EHBP1: variants seen among roughly 807,000 people sequenced by gnomAD.
EHBP1 encodes the protein EH domain binding protein 1, also known as EH domain-binding protein 1.
EHBP1 carries 55 observed loss-of-function variants against 144.0 expected under a neutral mutation model. That is an observed-to-expected ratio of 0.38 (90% CI 0.31 to 0.48). The LOEUF is 0.48. Ranked by LOEUF, EHBP1 falls within the 20% of genes least tolerant of loss-of-function variation. EHBP1 has a pLI of 0.98. For missense variants in EHBP1, 1,200 were observed against 1,364.2 expected (o/e 0.88, Z 1.90); for synonymous variants, 469 against 472.7 (o/e 0.99, Z 0.10).
At position 63,038,758 on chromosome 2, in the gene EHBP1, T is replaced by C. The variant is rs2061544199; in HGVS notation, c.3219T>C (p.Asp1073=). ...ACTTGCCCAGGGAAAAAGAACATGA[T>C]TTAGAACGACGGTATGAGCTGCTGA... is the stretch of plus-strand genomic sequence containing the variant. ...NQLSLLEKEH[D]LERRYELLNR... The change falls in exon 21 of 23, where the codon GAT becomes GAC. Residue 1073 remains aspartate (D), a synonymous_variant. Transcript: ENST00000431489. 1 of 1,613,434 alleles carries C rather than the reference T, an allele frequency of 6.2e-7. No homozygotes were observed. Among genetic ancestry groups the C allele is most frequent in the African/African-American group, 1.3e-5 (1 of 74,996 alleles).
intron 10 of EHBP1, among the ~76,000 whole-genome samples, chr2:62,935,344 A>AAAATATAT (rs1553479000): frequency 3.0e-4 from 37 of 121,470 alleles, no homozygotes; most frequent in Non-Finnish European, 5.2e-4. Flanking sequence ...AAAAAAAAAA[A>AAAATATAT]ATATATATAT....
chr2:62,791,943 GCAGCAATACTTGTTCTCTT>G (rs1251764671), intron 5 of EHBP1, among the ~76,000 whole-genome samples: 1 of 151,934 alleles, frequency 6.6e-6, no homozygotes, highest in East Asian at 1.9e-4. Flanking sequence ...ATAACACTCA[GCAGCAATACTTGTTCTCTT>G]CATATCGCTA....
At chr2:62,802,364 A>G (rs1343313392) in intron 5 of EHBP1, among the ~76,000 whole-genome samples, 5 of 152,138 alleles carry the variant, frequency 3.3e-5, no homozygotes, top group Non-Finnish European at 7.3e-5. Context: ...ACACTCTATG[A>G]TGCATAGGAA....
At chr2:62,930,594 A>T (rs887226071) in intron 10 of EHBP1, among the ~76,000 whole-genome samples, 1 of 152,186 alleles carries the variant, frequency 6.6e-6, no homozygotes, top group African/African-American at 2.4e-5. Context: ...AAAGAACAAG[A>T]GTGGAAGACT....
At chr2:62,891,375 A>T (rs1176413194) in intron 10 of EHBP1, among the ~76,000 whole-genome samples, 1 of 152,024 alleles carries the variant, frequency 6.6e-6, no homozygotes, top group Non-Finnish European at 1.5e-5. Context: ...TTTGTTTGGC[A>T]CTGTTTTTTG....
At chr2:62,831,582 A>G (rs1397020800) in intron 7 of EHBP1, among the ~76,000 whole-genome samples, 2 of 152,194 alleles carry the variant, frequency 1.3e-5, no homozygotes, top group African/African-American at 4.8e-5. Context: ...TTGAATTTAT[A>G]TATCTTATGT....
intron 10 of EHBP1, among the ~76,000 whole-genome samples, chr2:62,926,584 C>T (rs1315769052): frequency 6.6e-6 from 1 of 151,876 alleles, no homozygotes. Context: ...TTTACATGTC[C>T]AACATTACTA....
At chr2:62,985,357 TA>T (rs2059140327) in intron 15 of EHBP1, among the ~76,000 whole-genome samples, 1 of 152,214 alleles carries the variant, frequency 6.6e-6, no homozygotes. Context: ...GACGCTGCTC[TA>T]ACTTATAAAA....
chr2:62,948,573 A>G lies in EHBP1; in HGVS notation c.1727A>G (p.Asp576Gly). The change falls in exon 13 of 23, where the codon GAT becomes GGT. Residue 576 changes from aspartate to glycine, a missense_variant. Physicochemically the swap from Asp to Gly is moderately conservative, Grantham distance 94. Coordinates refer to ENST00000431489, the MANE Select transcript of EHBP1 (RefSeq NM_001142616.3). ...GGAGCAGTAGACTTCTTATCACAGGATGACTCTGTATTTGTAAATGATAGC... is the reference window on the plus strand; with the variant it reads ...GGAGCAGTAGACTTCTTATCACAGGGTGACTCTGTATTTGTAAATGATAGC... ...ISGAVDFLSQ[D>G]DSVFVNDSGV... 6.2e-7 allele frequency: 1 copy of G among 1,614,072 alleles called. No homozygotes were observed. The highest frequency in any genetic ancestry group is 8.5e-7 in the Non-Finnish European group (1 of 1,179,996).
At chr2:62,988,910 T>C (rs2059304847) in intron 15 of EHBP1, among the ~76,000 whole-genome samples, 2 of 152,150 alleles carry the variant, frequency 1.3e-5, no homozygotes, top group African/African-American at 4.8e-5. Context: ...AATGCTAATC[T>C]GCTCCATTTC....
intron 4 of EHBP1, among the ~76,000 whole-genome samples, chr2:62,767,575 C>T (rs1386233916): frequency 6.6e-6 from 1 of 151,854 alleles, no homozygotes; most frequent in African/African-American, 2.4e-5. Context: ...TGGCTCACTC[C>T]TGTAATCCCA....
At chr2:62,972,268 T>G (rs1417190464) in intron 14 of EHBP1, among the ~76,000 whole-genome samples, 1 of 152,188 alleles carries the variant, frequency 6.6e-6, no homozygotes, top group Non-Finnish European at 1.5e-5. Context: ...TGAACGTATT[T>G]GAGCAGTTTG....
intron 5 of EHBP1, among the ~76,000 whole-genome samples, chr2:62,772,385 G>A (rs1238046345): frequency 6.6e-6 from 1 of 152,120 alleles, no homozygotes; most frequent in Non-Finnish European, 1.5e-5. Context: ...TCATTTACTG[G>A]GAATTAAAGA....
chr2:62,779,936 T>C (rs2042312902), intron 5 of EHBP1, among the ~76,000 whole-genome samples: 1 of 152,180 alleles, frequency 6.6e-6, no homozygotes, highest in South Asian at 2.1e-4. Flanking sequence ...TCTTCTACTT[T>C]TCTGTTGTTT....
At chr2:62,945,966 G>A (rs2057042320) in intron 12 of EHBP1, among the ~76,000 whole-genome samples, 1 of 151,016 alleles carries the variant, frequency 6.6e-6, no homozygotes, top group South Asian at 2.1e-4. Flanking sequence ...TAATTTTGGA[G>A]AGCCTGTGTC....
intron 19 of EHBP1, among the ~76,000 whole-genome samples, chr2:63,020,708 T>C (rs907547454): frequency 6.6e-6 from 1 of 151,742 alleles, no homozygotes; most frequent in African/African-American, 2.4e-5. Context: ...AGATGGAGTC[T>C]TGCTCAGTCG....
chr2:62,977,424 C>T (rs2058765589), intron 14 of EHBP1, among the ~76,000 whole-genome samples: 1 of 152,086 alleles, frequency 6.6e-6, no homozygotes, highest in African/African-American at 2.4e-5. Context: ...ACTGACCTAC[C>T]TAACCACCAA....
At chr2:62,953,009 G>A (rs535183870) in intron 13 of EHBP1, among the ~76,000 whole-genome samples, 5 of 151,924 alleles carry the variant, frequency 3.3e-5, no homozygotes, top group South Asian at 2.1e-4. Flanking sequence ...ACCTGAGGTC[G>A]GGAGTTTGAG....
intron 6 of EHBP1, among the ~76,000 whole-genome samples, chr2:62,829,682 T>C (rs2046650955): frequency 6.8e-6 from 1 of 146,900 alleles, no homozygotes. Flanking sequence ...TGGTATTGTG[T>C]ATATATAATA....
Sources: gnomAD v4.1 joint callset for allele counts (sites outside exome capture counted in the v4.1 genomes callset) on GRCh38, gnomAD v4.1.1 for gene constraint, MANE v1.5 for transcripts, NCBI Gene and HGNC (gene_info 2026-07-23, HGNC 2026-07-21) for gene names.